Variants in DHRS9 observed in about 807,000 individuals in gnomAD.
The protein encoded by DHRS9 is dehydrogenase/reductase 9.
Under a neutral mutation model 26.6 loss-of-function variants are expected in DHRS9, and 18 were observed. That is an observed-to-expected ratio of 0.68 (90% CI 0.47 to 1.00). DHRS9 has a LOEUF of 1.00. Ranked by LOEUF, DHRS9 falls within the 50% of genes least tolerant of loss-of-function variation. The pLI is 0.00. For synonymous variants in DHRS9, 134 were observed against 141.1 expected (o/e 0.95, Z 0.36); for missense variants, 425 against 378.7 (o/e 1.12, Z -1.01).
rs181498831 is a variant in DHRS9 at position 169,070,600 on chromosome 2, C to T, written c.-60+883C>T. The T allele has an allele frequency of 2.2e-3, 2,123 of 984,640 alleles. 6 individuals are homozygous for T. Among genetic ancestry groups the T allele is most frequent in the Non-Finnish European group, 2.3e-3 (1,934 of 829,250 alleles). 61.0% of individuals were successfully genotyped at this position (984,640 alleles called of 1,614,324 possible). On this transcript the variant is annotated intron_variant, in intron 1 of 4. Transcript: ENST00000674881. ...CAAATCAAAGTTAAATGTTATACCA[C>T]CTTTCTATTCTATTTTTAATATTCA...
chr2:169,085,362 G>T (rs1161704204), intron 3 of DHRS9, among the ~76,000 whole-genome samples: 1 of 152,048 alleles, frequency 6.6e-6, no homozygotes, highest in Non-Finnish European at 1.5e-5. Flanking sequence ...TTCTATTTCT[G>T]TAAAGAATGT....
Position 169,095,656 on chromosome 2 carries a change from T to C in DHRS9, c.849T>C (p.Ala283=), listed in dbSNP as rs72623193. Residue 283 remains alanine (A), a synonymous_variant, in exon 5 of 5, where the codon GCT becomes GCC. Coordinates refer to ENST00000674881, the MANE Select transcript of DHRS9 (RefSeq NM_001376924.1). Reference sequence around the variant, plus strand: ...TCTTCCCTAAGACTCATTATGCCGCTGGAAAAGATGCCAAAATTTTCTGGA... The same window carrying C: ...TCTTCCCTAAGACTCATTATGCCGCCGGAAAAGATGCCAAAATTTTCTGGA... ...TSLFPKTHYA[A]GKDAKIFWIP... 13,619 of 1,614,008 alleles carry C rather than the reference T, an allele frequency of 8.4e-3. 561 individuals are homozygous for C. The East Asian group carries it at 0.14, about 17-fold the overall frequency.
intron 1 of DHRS9, chr2:169,070,405 C>T: frequency 8.1e-6 from 8 of 985,382 alleles, no homozygotes; most frequent in Non-Finnish European, 9.6e-6. Context: ...AGGTGTGCTT[C>T]AATAAATACA....
At chr2:169,093,157 G>C (rs1558957022) in intron 4 of DHRS9, among the ~76,000 whole-genome samples, 1 of 152,090 alleles carries the variant, frequency 6.6e-6, no homozygotes, top group East Asian at 1.9e-4. Flanking sequence ...ACCTAACTAT[G>C]GGTAGTTCTT....
chr2:169,081,693 G>GGAT lies in DHRS9; in HGVS notation c.112_113insGAT (p.Asp38delinsGlyTyr). On this transcript the variant is annotated protein_altering_variant, in exon 2 of 5. Coordinates refer to ENST00000674881, the MANE Select transcript of DHRS9 (RefSeq NM_001376924.1). ...TAAGTACATTTTTATCACTGGATGT[G>GGAT]ACTCGGGCTTTGGAAACTTGGCAGC... 6.2e-7 allele frequency: 1 copy of GGAT among 1,614,200 alleles called. No homozygotes were observed. The highest frequency in any genetic ancestry group is 8.5e-7 in the Non-Finnish European group (1 of 1,180,038).
chr2:169,079,559 A>G (rs1022916224), intron 1 of DHRS9, among the ~76,000 whole-genome samples: 2 of 152,080 alleles, frequency 1.3e-5, no homozygotes, highest in African/African-American at 4.8e-5. Flanking sequence ...TAATTGTAAG[A>G]AAATAAAGTC....
intron 1 of DHRS9, among the ~76,000 whole-genome samples, chr2:169,079,089 T>C (rs1012204672): frequency 1.3e-5 from 2 of 152,040 alleles, no homozygotes; most frequent in African/African-American, 4.8e-5. Context: ...CCTTGTGATC[T>C]GCCCCCCTCT....
At chr2:169,086,007 T>C (rs1448906230) in intron 3 of DHRS9, among the ~76,000 whole-genome samples, 1 of 152,194 alleles carries the variant, frequency 6.6e-6, no homozygotes, top group Non-Finnish European at 1.5e-5. Context: ...GTTCTATAAC[T>C]TTCTTGTACT....
chr2:169,070,410 A>C, intron 1 of DHRS9: 4 of 985,418 alleles, frequency 4.1e-6, no homozygotes, highest in Non-Finnish European at 3.6e-6. Context: ...TGCTTCAATA[A>C]ATACATTTTA....
chr2:169,067,165 C>T, upstream of DHRS9: 3 of 1,535,524 alleles, frequency 2.0e-6, no homozygotes, highest in Non-Finnish European at 2.6e-6. Context: ...AGGAAGAAGC[C>T]ACTGTGCATG....
At chr2:169,067,148 T>A, upstream of DHRS9, 1 of 1,535,510 alleles carries the variant, frequency 6.5e-7, no homozygotes, top group Non-Finnish European at 8.7e-7. Context: ...TACATCATTA[T>A]GCCAGAAGGA....
intron 1 of DHRS9, among the ~76,000 whole-genome samples, chr2:169,077,404 A>T (rs1683995229): frequency 6.6e-6 from 1 of 152,246 alleles, no homozygotes; most frequent in Non-Finnish European, 1.5e-5. Flanking sequence ...TTTTATTAAC[A>T]TGGTGGCAGG....
intron 4 of DHRS9, among the ~76,000 whole-genome samples, chr2:169,093,084 T>A (rs1684584529): frequency 6.6e-6 from 1 of 152,128 alleles, no homozygotes; most frequent in African/African-American, 2.4e-5. Flanking sequence ...TTGGGTCGGT[T>A]AAAGTTTACT....
rs774943700 is a variant in DHRS9 at position 169,081,767 on chromosome 2, T to C, written c.186T>C (p.Thr62=). ...TTCATGTAATCGCTGCCTGTCTGACTGAATCAGGATCAACAGCTTTAAAGG... is the reference window on the plus strand; with the variant it reads ...TTCATGTAATCGCTGCCTGTCTGACCGAATCAGGATCAACAGCTTTAAAGG... ...KGFHVIAACL[T]ESGSTALKAE... Residue 62 remains threonine, a synonymous_variant, in exon 2 of 5, where the codon ACT becomes ACC. Coordinates refer to ENST00000674881, the MANE Select transcript of DHRS9 (RefSeq NM_001376924.1). 1.2e-6 allele frequency: 2 copies of C among 1,614,194 alleles called. No individual in the cohort carries two copies. The highest frequency in any genetic ancestry group is 1.7e-6 in the Non-Finnish European group (2 of 1,180,028).
At chr2:169,078,145 T>C (rs1009409053) in intron 1 of DHRS9, among the ~76,000 whole-genome samples, 1 of 152,362 alleles carries the variant, frequency 6.6e-6, no homozygotes, top group Admixed American at 6.5e-5. Context: ...CAAATCACTT[T>C]GTTGCTTTGA....
At chr2:169,071,587 C>T (rs1046624898) in intron 1 of DHRS9, among the ~76,000 whole-genome samples, 2 of 152,144 alleles carry the variant, frequency 1.3e-5, no homozygotes, top group African/African-American at 2.4e-5. Context: ...GAAGTACACA[C>T]GAACTCCATG....
rs1178340653 is a variant in DHRS9 at position 169,081,799 on chromosome 2, C to A, written c.218C>A (p.Thr73Asn). The change falls in exon 2 of 5, where the codon ACC (threonine) becomes AAC (asparagine). Residue 73 changes from threonine to asparagine, a missense_variant. Physicochemically the swap from Thr to Asn is moderately conservative, Grantham distance 65 (BLOSUM62 0). Transcript: ENST00000674881. Reference sequence around the variant, plus strand: ...GGATCAACAGCTTTAAAGGCAGAAACCTCAGAGAGACTTCGTACTGTGCTT... The same window carrying A: ...GGATCAACAGCTTTAAAGGCAGAAAACTCAGAGAGACTTCGTACTGTGCTT... ...ESGSTALKAE[T>N]SERLRTVLLD... 9.3e-6 allele frequency: 15 copies of A among 1,613,998 alleles called. No homozygotes were observed. The highest frequency in any genetic ancestry group is 4.0e-5 in the African/African-American group (3 of 74,874).
chr2:169,074,539 G>A, intron 1 of DHRS9: 2 of 760,334 alleles, frequency 2.6e-6, no homozygotes, highest in Non-Finnish European at 3.2e-6. Context: ...GCGTAGTGTG[G>A]TTGAGGTAGC....
At chr2:169,087,008 C>G (rs1336927795) in intron 3 of DHRS9, among the ~76,000 whole-genome samples, 1 of 152,194 alleles carries the variant, frequency 6.6e-6, no homozygotes, top group Admixed American at 6.5e-5. Context: ...CCCTGAGGCT[C>G]TACAATTAGC....
Sources: allele counts gnomAD v4.1 joint callset (sites outside exome capture counted in the v4.1 genomes callset), GRCh38; gene constraint gnomAD v4.1.1; transcripts MANE v1.5; gene names NCBI Gene and HGNC (gene_info 2026-07-23, HGNC 2026-07-21).